FHOD3: variants seen among roughly 807,000 people sequenced by gnomAD.
FHOD3 encodes FH1/FH2 domain-containing protein 3.
A neutral mutation model predicts 173.0 loss-of-function variants in FHOD3; 90 were observed. The ratio of observed to expected loss-of-function variants is 0.52; its 90% CI spans 0.44 to 0.62. The LOEUF (loss-of-function observed/expected upper bound fraction) is 0.62, where lower values mean the gene tolerates loss of function less well. Among genes scored for constraint, FHOD3 ranks in the 20% least tolerant of loss-of-function variants. The pLI, the probability that FHOD3 is intolerant of heterozygous loss-of-function variation, is 0.00. For synonymous variants in FHOD3, 828 were observed against 823.0 expected (o/e 1.01, Z -0.10); for missense variants, 1,945 against 2,034.7 (o/e 0.96, Z 0.85).
intron 1 of FHOD3, among the ~76,000 whole-genome samples, chr18:36,316,993 G>A (rs2044161725): frequency 6.6e-6 from 1 of 151,744 alleles, no homozygotes; most frequent in African/African-American, 2.4e-5. Context: ...CTGTCCTTGT[G>A]ATAGTTTGCT....
chr18:36,377,022 G>C (rs1236361813), intron 3 of FHOD3, among the ~76,000 whole-genome samples: 2 of 152,348 alleles, frequency 1.3e-5, no homozygotes, highest in East Asian at 3.9e-4. Flanking sequence ...TGGTGATGGA[G>C]GTGGTGTACA....
At chr18:36,747,156 A>C in intron 24 of FHOD3, 21 bp downstream of exon 24, 1 of 1,577,196 alleles carries the variant, frequency 6.3e-7, no homozygotes. Flanking sequence ...TGAGGAACTT[A>C]TAGAAATATC....
chr18:36,349,512 C>T (rs1336033746), intron 1 of FHOD3, among the ~76,000 whole-genome samples: 1 of 152,180 alleles, frequency 6.6e-6, no homozygotes, highest in East Asian at 1.9e-4. Flanking sequence ...CACTTCTAAA[C>T]TATAACCAAA....
rs1435225509 is a variant in FHOD3 at position 36,367,249 on chromosome 18, A to G, written c.273-5431A>G. On this transcript the variant is annotated intron_variant, in intron 2 of 28. Coordinates refer to ENST00000590592, the MANE Select transcript of FHOD3 (RefSeq NM_001281740.3). ...GTGTCCCTGGTGCGTGTGCCTCCATAGGGGTTTCCTTGAGTTGCTTATCTA... is the reference window on the plus strand; with the variant it reads ...GTGTCCCTGGTGCGTGTGCCTCCATGGGGGTTTCCTTGAGTTGCTTATCTA... Among the ~76,000 whole-genome samples the G allele has an allele frequency of 3.9e-5, 6 of 152,286 alleles. No homozygotes were observed. The South Asian group carries it at 1.0e-3, about 26-fold the overall frequency.
intron 10 of FHOD3, among the ~76,000 whole-genome samples, chr18:36,643,157 T>C (rs1298017433): frequency 6.6e-6 from 1 of 152,144 alleles, no homozygotes; most frequent in Non-Finnish European, 1.5e-5. Context: ...ATTTGGGTCA[T>C]TTCCAGCTTT....
chr18:36,714,705 G>A (rs555372097), intron 18 of FHOD3, among the ~76,000 whole-genome samples: 4 of 152,272 alleles, frequency 2.6e-5, no homozygotes, highest in South Asian at 4.2e-4. Context: ...ACCAGTTGTT[G>A]AAACTCTACC....
At chr18:36,513,426 G>T (rs1377662069) in intron 5 of FHOD3, among the ~76,000 whole-genome samples, 1 of 152,226 alleles carries the variant, frequency 6.6e-6, no homozygotes, top group Non-Finnish European at 1.5e-5. Flanking sequence ...TGTCAGGCGG[G>T]TCAGGGTTCT....
At chr18:36,463,076 C>G (rs1599227752) in intron 3 of FHOD3, among the ~76,000 whole-genome samples, 2 of 152,034 alleles carry the variant, frequency 1.3e-5, no homozygotes, top group East Asian at 3.8e-4. Flanking sequence ...CCCATTGCAA[C>G]TCTGATTTCC....
At chr18:36,554,798 G>T (rs1029357661) in intron 5 of FHOD3, among the ~76,000 whole-genome samples, 1 of 152,132 alleles carries the variant, frequency 6.6e-6, no homozygotes, top group African/African-American at 2.4e-5. Context: ...GTTCTTGAAT[G>T]AGGCTTTGTT....
chr18:36,341,258 A>C (rs2045604647), intron 1 of FHOD3, among the ~76,000 whole-genome samples: 1 of 152,222 alleles, frequency 6.6e-6, no homozygotes, highest in South Asian at 2.1e-4. Context: ...ATTTTTAGCT[A>C]TTAAAAGTTA....
chr18:36,384,204 A>G (rs539843660), intron 3 of FHOD3, among the ~76,000 whole-genome samples: 49 of 151,946 alleles, frequency 3.2e-4, no homozygotes, highest in Admixed American at 3.0e-3. Flanking sequence ...CATGGTGAAA[A>G]CCCATCTCTA....
At chr18:36,681,394 C>A in intron 14 of FHOD3, 42 bp from the exon 15 acceptor site, 2 of 1,609,978 alleles carry the variant, frequency 1.2e-6, no homozygotes, top group South Asian at 2.2e-5. Context: ...TACTTTTAAT[C>A]ACAGGCCAAG....
intron 3 of FHOD3, among the ~76,000 whole-genome samples, chr18:36,463,384 A>T (rs2052686667): frequency 1.0e-5 from 1 of 98,430 alleles, no homozygotes; most frequent in Admixed American, 1.0e-4. Context: ...ATTTTTATTT[A>T]AAAAAATAAT....
At chr18:36,373,691 G>T (rs2047301367) in intron 3 of FHOD3, among the ~76,000 whole-genome samples, 1 of 152,348 alleles carries the variant, frequency 6.6e-6, no homozygotes. Flanking sequence ...AAAGGTCAGG[G>T]TGTCAGGAGG....
intron 5 of FHOD3, among the ~76,000 whole-genome samples, chr18:36,560,651 G>A (rs1317383609): frequency 6.6e-6 from 1 of 152,184 alleles, no homozygotes; most frequent in East Asian, 1.9e-4. Context: ...ATGAGTGGGT[G>A]TGTATGTCAG....
chr18:36,335,218 G>A (rs918808868), intron 1 of FHOD3, among the ~76,000 whole-genome samples: 3 of 152,160 alleles, frequency 2.0e-5, no homozygotes, highest in Admixed American at 6.5e-5. Context: ...AAACTTGGCC[G>A]GGCGCGGTGG....
chr18:36,561,810 C>T lies in FHOD3; in HGVS notation c.512-14641C>T, dbSNP rs572990659. On this transcript the variant is annotated intron_variant, in intron 5 of 28. Transcript: ENST00000590592. Reference sequence around the variant, plus strand: ...GTGTGGTCACAATAGGAAGATTTCTCGTTCTTTGACCATTATGCTTGTGTT... The same window carrying T: ...GTGTGGTCACAATAGGAAGATTTCTTGTTCTTTGACCATTATGCTTGTGTT... 3.3e-5 allele frequency among the ~76,000 whole-genome samples: 5 copies of T among 152,154 alleles called. No individual in the cohort carries two copies. The South Asian group carries it at 6.2e-4, about 19-fold the overall frequency.
chr18:36,563,321 A>G (rs553236182), intron 5 of FHOD3, among the ~76,000 whole-genome samples: 2 of 152,360 alleles, frequency 1.3e-5, no homozygotes, highest in Non-Finnish European at 2.9e-5. Flanking sequence ...GACTGCAGAT[A>G]GAAATACCTA....
intron 9 of FHOD3, among the ~76,000 whole-genome samples, chr18:36,614,215 T>C (rs1035388721): frequency 6.6e-6 from 1 of 152,220 alleles, no homozygotes; most frequent in African/African-American, 2.4e-5. Context: ...TCTCTCTCTA[T>C]GGATTTACCT....
Sources: allele counts gnomAD v4.1 joint callset (sites outside exome capture counted in the v4.1 genomes callset), GRCh38; gene constraint gnomAD v4.1.1; transcripts MANE v1.5; gene names NCBI Gene and HGNC (gene_info 2026-07-23, HGNC 2026-07-21).